The following SMOC1 variants were observed in gnomAD, a reference collection of about 807,000 sequenced individuals.
SMOC1 encodes the protein SPARC related modular calcium binding 1.
In SMOC1, 22 loss-of-function variants were observed where a neutral mutation model predicts 56.3. That is an observed-to-expected ratio of 0.39 (90% CI 0.28 to 0.56). The LOEUF (loss-of-function observed/expected upper bound fraction) is 0.56, where lower values mean the gene tolerates loss of function less well. Among genes scored for constraint, SMOC1 ranks in the 20% least tolerant of loss-of-function variants. The pLI is 0.61. For synonymous variants in SMOC1, 193 were observed against 215.0 expected (o/e 0.90, Z 0.89); for missense variants, 509 against 565.4 (o/e 0.90, Z 1.01).
chr14:69,879,573 C>A lies in SMOC1; in HGVS notation c.-106C>A. The A allele has an allele frequency of 1.1e-6, 1 of 914,272 alleles. No homozygotes were observed. The highest frequency in any genetic ancestry group is 1.5e-6 in the Non-Finnish European group (1 of 674,996). The allele number at this position is 914,272 out of a possible 1,614,324, so 56.6% of individuals were successfully genotyped here. A position where few individuals can be genotyped will look rare whatever the true frequency, so the allele number is the denominator to read the frequency against. ...CCGCCGCAGGACCACGGCCCGCTCC[C>A]CGCCGCCGCGAGGGCCCCGAGCGAA... On this transcript the variant is annotated 5_prime_UTR_variant, in exon 1 of 12. Coordinates refer to ENST00000361956, the MANE Select transcript of SMOC1 (RefSeq NM_001034852.3).
At chr14:69,885,707 G>A (rs924805998) in intron 1 of SMOC1, 20 of 1,447,650 alleles carry the variant, frequency 1.4e-5, no homozygotes, top group Non-Finnish European at 1.8e-5. Context: ...CTCCACCAAG[G>A]TGGTGACAGT....
chr14:69,931,748 G>A (rs759929905), intron 1 of SMOC1, among the ~76,000 whole-genome samples: 7 of 152,210 alleles, frequency 4.6e-5, no homozygotes, highest in Non-Finnish European at 8.8e-5. Flanking sequence ...GGGATGTGGC[G>A]GTGGCAGCTG....
In SMOC1 at chr14:69,952,224, C is replaced by G; in HGVS notation, c.186C>G (p.Ser62=). ...CCATCTGTGCCTCTGATGGCAGGTC[C>G]TACGAGTCCATGTGTGAGTACCAGC... ...PKPICASDGR[S]YESMCEYQRA... The change falls in exon 2 of 12, where the codon TCC becomes TCG. Residue 62 remains serine, a synonymous_variant. Transcript: ENST00000361956. 1 of 1,614,178 alleles carries G rather than the reference C, an allele frequency of 6.2e-7. No individual in the cohort carries two copies.
intron 3 of SMOC1, among the ~76,000 whole-genome samples, chr14:69,970,454 T>C (rs145498901): frequency 0.021 from 3,180 of 152,284 alleles, 58 homozygotes; most frequent in Non-Finnish European, 0.027. Flanking sequence ...GCTTGGATAT[T>C]GGGATTCCAA....
chr14:70,004,080 G>C (rs1411498044), intron 7 of SMOC1, among the ~76,000 whole-genome samples: 2 of 152,074 alleles, frequency 1.3e-5, no homozygotes, highest in East Asian at 3.9e-4. Context: ...CTCCCTGTCT[G>C]GATGGCCAGA....
At chr14:69,980,124 C>T (rs1446861753) in intron 5 of SMOC1, among the ~76,000 whole-genome samples, 1 of 152,132 alleles carries the variant, frequency 6.6e-6, no homozygotes, top group Non-Finnish European at 1.5e-5. Context: ...CCCTTTGTTC[C>T]CTTTTACAGT....
intron 1 of SMOC1, among the ~76,000 whole-genome samples, chr14:69,919,650 T>C (rs1025075852): frequency 2.0e-5 from 3 of 152,214 alleles, no homozygotes; most frequent in African/African-American, 7.2e-5. Flanking sequence ...CCAGTGGGAC[T>C]CAGATCTCAT....
In SMOC1 at chr14:69,879,615, C is replaced by T. The variant is rs1883573894; in HGVS notation, c.-64C>T. 9.4e-6 allele frequency: 12 copies of T among 1,275,610 alleles called. No homozygotes were observed. Among genetic ancestry groups the T allele is most frequent in the Middle Eastern group, 2.8e-4 (1 of 3,544 alleles). The allele number at this position is 1,275,610 out of a possible 1,614,324, so 79.0% of individuals were successfully genotyped here. A position where few individuals can be genotyped will look rare whatever the true frequency, so the allele number is the denominator to read the frequency against. On this transcript the variant is annotated 5_prime_UTR_variant, in exon 1 of 12. Coordinates refer to ENST00000361956, the MANE Select transcript of SMOC1 (RefSeq NM_001034852.3). ...CCGAGCGAAGGAAGGAAGGGAGGCG[C>T]GCTGTGCGCCCCGCGGAGCCCGCGA...
At chr14:69,905,927 G>A (rs2139335683) in intron 1 of SMOC1, among the ~76,000 whole-genome samples, 1 of 152,326 alleles carries the variant, frequency 6.6e-6, no homozygotes, top group Non-Finnish European at 1.5e-5. Context: ...GAAGATATTT[G>A]TGCATATTCT....
intron 1 of SMOC1, among the ~76,000 whole-genome samples, chr14:69,933,358 TGAAA>T (rs1885215122): frequency 7.2e-6 from 1 of 139,582 alleles, no homozygotes; most frequent in African/African-American, 2.5e-5. Context: ...TTCTGAAAAA[TGAAA>T]GACTTTTTTT....
intron 5 of SMOC1, among the ~76,000 whole-genome samples, chr14:69,983,376 G>A (rs1594837934): frequency 1.3e-5 from 2 of 152,320 alleles, no homozygotes; most frequent in East Asian, 3.9e-4. Context: ...CGTCACTAAG[G>A]ACCCAGGGAT....
intron 1 of SMOC1, among the ~76,000 whole-genome samples, chr14:69,915,174 C>T (rs1013154189): frequency 3.5e-4 from 54 of 152,180 alleles, no homozygotes; most frequent in East Asian, 3.9e-4. Flanking sequence ...GGCCAGTTTA[C>T]ACATTCTGTC....
chr14:70,007,730 C>T (rs1049006204), intron 7 of SMOC1, among the ~76,000 whole-genome samples: 2 of 152,212 alleles, frequency 1.3e-5, no homozygotes, highest in Non-Finnish European at 2.9e-5. Flanking sequence ...CGTTCAGCTT[C>T]CTTGTCTACA....
chr14:69,927,950 A>G (rs1026723094), intron 1 of SMOC1, among the ~76,000 whole-genome samples: 1 of 152,140 alleles, frequency 6.6e-6, no homozygotes, highest in Non-Finnish European at 1.5e-5. Flanking sequence ...GGAAGAATAA[A>G]CAGAGGGGTG....
chr14:69,903,765 C>T (rs1355291181), intron 1 of SMOC1, among the ~76,000 whole-genome samples: 1 of 151,938 alleles, frequency 6.6e-6, no homozygotes, highest in Non-Finnish European at 1.5e-5. Flanking sequence ...ACAAACACTG[C>T]GGAAGGCCCC....
intron 1 of SMOC1, among the ~76,000 whole-genome samples, chr14:69,912,838 C>T (rs1200485533): frequency 6.6e-6 from 1 of 152,186 alleles, no homozygotes; most frequent in African/African-American, 2.4e-5. Context: ...TGCAGTTTGT[C>T]TTTAACCTTC....
intron 1 of SMOC1, among the ~76,000 whole-genome samples, chr14:69,896,799 T>A (rs1884111505): frequency 6.6e-6 from 1 of 152,248 alleles, no homozygotes; most frequent in South Asian, 2.1e-4. Context: ...ATGGCTTCTC[T>A]TCCAGGCAAC....
intron 1 of SMOC1, among the ~76,000 whole-genome samples, chr14:69,941,141 C>T (rs767330522): frequency 1.8e-4 from 27 of 152,308 alleles, no homozygotes; most frequent in Middle Eastern, 6.8e-3. Flanking sequence ...TCTGGCATCC[C>T]GCCCTGCCCT....
intron 5 of SMOC1, among the ~76,000 whole-genome samples, chr14:69,982,178 G>C (rs1054430912): frequency 6.6e-6 from 1 of 152,162 alleles, no homozygotes; most frequent in Admixed American, 6.5e-5. Context: ...GGAGTTAGTT[G>C]TTTAAGGAAA....
Sources: gnomAD v4.1 joint callset for allele counts (sites outside exome capture counted in the v4.1 genomes callset) on GRCh38, gnomAD v4.1.1 for gene constraint, MANE v1.5 for transcripts, NCBI Gene and HGNC (gene_info 2026-07-23, HGNC 2026-07-21) for gene names.